FBXO6: variants seen among roughly 807,000 people sequenced by gnomAD.
FBXO6 encodes the protein F-box only protein 6.
FBXO6 carries 13 observed loss-of-function variants against 25.0 expected under a neutral mutation model. That is an observed-to-expected ratio of 0.52 (90% CI 0.34 to 0.83). The LOEUF (loss-of-function observed/expected upper bound fraction) is 0.83, where lower values mean the gene tolerates loss of function less well. FBXO6 is among the 40% of genes least tolerant of loss of function. The pLI is 0.02. For synonymous variants in FBXO6, 138 were observed against 155.3 expected, an observed-to-expected ratio of 0.89 and a Z score of 0.83; for missense variants, 370 against 380.2, an observed-to-expected ratio of 0.97 and a Z score of 0.22.
Position 11,668,742 on chromosome 1 carries a change from G to A in FBXO6, c.84G>A (p.Val28=), listed in dbSNP as rs1378340173. 1.9e-6 allele frequency: 3 copies of A among 1,613,920 alleles called. No individual in the cohort carries two copies. The highest frequency in any genetic ancestry group is 1.3e-5 in the African/African-American group (1 of 75,018). Residue 28 remains valine, a synonymous_variant, in exon 2 of 6, where the codon GTG becomes GTA. Coordinates refer to ENST00000376753, the MANE Select transcript of FBXO6 (RefSeq NM_018438.6). The part of the protein sequence containing the change: ...ENILLELFTH[V]PARQLLLNCR... ...TCCTGCTGGAGCTGTTCACGCACGT[G>A]CCCGCCCGCCAGCTGCTGCTGAACT...
chr1:11,668,386 A>G (rs1640503208), intron 1 of FBXO6, among the ~76,000 whole-genome samples: 1 of 146,780 alleles, frequency 6.8e-6, no homozygotes, highest in Non-Finnish European at 1.5e-5. Flanking sequence ...CAGCCTCAGA[A>G]ATGCTCTTTT....
At chr1:11,670,018 C>G (rs1315342433) in intron 2 of FBXO6, among the ~76,000 whole-genome samples, 2 of 148,396 alleles carry the variant, frequency 1.3e-5, no homozygotes, top group Non-Finnish European at 3.0e-5. Flanking sequence ...CGAGACCATC[C>G]TGGCCAACAA....
intron 1 of FBXO6, 106 bp from the exon 2 acceptor site, chr1:11,668,550 C>T: frequency 7.1e-7 from 1 of 1,409,152 alleles, no homozygotes; most frequent in Non-Finnish European, 9.6e-7. Context: ...GCATGTGCCA[C>T]CACACCTGGC....
rs1249734872 is a variant in FBXO6 at position 11,673,614 on chromosome 1, G to A, written c.646-1G>A. ...CACTTCCTCTCCCTTCCTCCCAACA[G>A]GTCTCCTACACCTTCTCAGACTACC... On this transcript the variant is annotated splice_acceptor_variant, in intron 5 of 5. Transcript: ENST00000376753. LOFTEE classifies it high-confidence loss of function. The surrounding 1 kb of genome is among the most constrained non-coding windows in gnomAD (Gnocchi z 4.3). 6.2e-7 allele frequency: 1 copy of A among 1,612,378 alleles called. No homozygotes were observed. Among genetic ancestry groups the A allele is most frequent in the East Asian group, 2.2e-5 (1 of 44,838 alleles).
rs1640710497 is a variant in FBXO6, at chr1:11,674,129, CCTGT to C, written c.*281_*284del. The C allele has an allele frequency of 5.6e-6, 2 of 360,312 alleles. No individual in the cohort carries two copies. The highest frequency in any genetic ancestry group is 1.1e-5 in the Non-Finnish European group (2 of 187,386). The allele number at this position is 360,312 out of a possible 1,614,324, so 22.3% of individuals were successfully genotyped here. A position where few individuals can be genotyped will look rare whatever the true frequency, so the allele number is the denominator to read the frequency against. ...ACCATCCTGGCCAACACGGTGAAAC[CCTGT>C]CTCTACTAAAAATACAAAAAATTAG... On this transcript the variant is annotated 3_prime_UTR_variant, in exon 6 of 6. Transcript: ENST00000376753. The surrounding 1 kb of genome is among the most constrained non-coding windows in gnomAD (Gnocchi z 6.1).
intron 2 of FBXO6, 87 bp downstream of exon 2, chr1:11,669,031 G>T: frequency 6.6e-7 from 1 of 1,507,618 alleles, no homozygotes; most frequent in South Asian, 1.3e-5. Flanking sequence ...ACACTACCTG[G>T]AATATTCTCT....
At position 11,673,445 on chromosome 1, in the gene FBXO6, C is replaced by A; in HGVS notation, c.645+33C>A. ...CTCACCCACTTGCTCTCTCTACCCA[C>A]TCCTCCCAGGGCCAGGATGGCAGGA... On this transcript the variant is annotated intron_variant, in intron 5 of 5. Transcript: ENST00000376753. The surrounding 1 kb of genome is among the most constrained non-coding windows in gnomAD (Gnocchi z 4.3). The A allele has an allele frequency of 6.2e-7, 1 of 1,608,570 alleles. No individual in the cohort carries two copies.
At position 11,672,043 on chromosome 1, in the gene FBXO6, TG is replaced by T; in HGVS notation, c.509+21del. 1 of 1,596,452 alleles carries T rather than the reference TG, an allele frequency of 6.3e-7. No homozygotes were observed. Among genetic ancestry groups the T allele is most frequent in the Non-Finnish European group, 8.6e-7 (1 of 1,163,954 alleles). On this transcript the variant is annotated intron_variant, in intron 4 of 5. Coordinates refer to ENST00000376753, the MANE Select transcript of FBXO6 (RefSeq NM_018438.6). The stretch of plus-strand genomic sequence containing the variant: ...GGACTGGTGAGTAGGGTCCATGGCC[TG>T]TGTCCCCACACTCTACATGCTCCTC...
At position 11,671,307 on chromosome 1, in the gene FBXO6, C is replaced by A; in HGVS notation, c.328C>A (p.Arg110Ser). ...GCAAATTGATTTCAATGGTGGGGACCGCTGGAAGGTGGAGAGCCTCCCTGG... is the reference window on the plus strand; with the variant it reads ...GCAAATTGATTTCAATGGTGGGGACAGCTGGAAGGTGGAGAGCCTCCCTGG... ...AWQIDFNGGDRWKVESLPGAH... is the reference protein window; with the variant it reads ...AWQIDFNGGDSWKVESLPGAH... Residue 110 changes from arginine to serine, a missense_variant, in exon 3 of 6, where the codon CGC becomes AGC. By Grantham distance (110) the Arg-to-Ser change is moderately radical. Transcript: ENST00000376753. 1 of 1,614,078 alleles carries A rather than the reference C, an allele frequency of 6.2e-7. No homozygotes were observed. Among genetic ancestry groups the A allele is most frequent in the Non-Finnish European group, 8.5e-7 (1 of 1,179,976 alleles).
chr1:11,665,417 G>A (rs376782414), intron 1 of FBXO6, among the ~76,000 whole-genome samples: 227 of 150,632 alleles, frequency 1.5e-3, no homozygotes, highest in African/African-American at 5.3e-3. Context: ...AACCAAGCCC[G>A]GCTAATTTTT....
Position 11,668,828 on chromosome 1 carries a change from A to C in FBXO6, c.170A>C (p.Lys57Thr). The C allele has an allele frequency of 6.2e-7, 1 of 1,614,148 alleles. No homozygotes were observed. Among genetic ancestry groups the C allele is most frequent in the Non-Finnish European group, 8.5e-7 (1 of 1,180,030 alleles). Residue 57 changes from lysine to threonine, a missense_variant, in exon 2 of 6, where the codon AAG becomes ACG. Lys to Thr is a moderately conservative substitution (Grantham distance 78). Transcript: ENST00000376753. ...LIDLMTLWKR[K>T]CLREGFITKD... is the part of the protein sequence containing the mutation. ...GACCTCATGACCCTCTGGAAACGCAAGTGCCTGCGAGAGGGCTTCATCACC... is the reference window on the plus strand; with the variant it reads ...GACCTCATGACCCTCTGGAAACGCACGTGCCTGCGAGAGGGCTTCATCACC...
At chr1:11,669,759 CACAA>C (rs1365390183) in intron 2 of FBXO6, among the ~76,000 whole-genome samples, 4 of 144,384 alleles carry the variant, frequency 2.8e-5, no homozygotes, top group African/African-American at 8.3e-5. Flanking sequence ...CACACACACA[CACAA>C]GTAGTTGGGA....
chr1:11,672,648 G>T (rs146715902), intron 4 of FBXO6, among the ~76,000 whole-genome samples: 3,279 of 152,188 alleles, frequency 0.022, 52 homozygotes, highest in Middle Eastern at 0.051. Flanking sequence ...GGACTGGGTG[G>T]GAACCCCCAG....
At chr1:11,669,740 A>G (rs1290365694) in intron 2 of FBXO6, among the ~76,000 whole-genome samples, 2 of 124,388 alleles carry the variant, frequency 1.6e-5, no homozygotes. Context: ...ATATACATAC[A>G]CACACACACA....
chr1:11,665,803 C>G (rs1354753058), intron 1 of FBXO6, among the ~76,000 whole-genome samples: 1 of 151,862 alleles, frequency 6.6e-6, no homozygotes, highest in Non-Finnish European at 1.5e-5. Flanking sequence ...TTGTGATCCG[C>G]CCGCCTCGGC....
chr1:11,672,103 G>C lies in FBXO6; in HGVS notation c.509+80G>C, dbSNP rs761801313. 5.1e-4 allele frequency: 661 copies of C among 1,290,564 alleles called. 1 individual carries two copies. Among genetic ancestry groups the C allele is most frequent in the Non-Finnish European group, 6.8e-4 (614 of 903,244 alleles). The allele number at this position is 1,290,564 out of a possible 1,614,324, so 79.9% of individuals were successfully genotyped here. A position where few individuals can be genotyped will look rare whatever the true frequency, so the allele number is the denominator to read the frequency against. On this transcript the variant is annotated intron_variant, in intron 4 of 5. Coordinates refer to ENST00000376753, the MANE Select transcript of FBXO6 (RefSeq NM_018438.6). ...CTGCATGTACGTGAGACAACCCATAGCAAGTGCCCACTCTGCACAGCAGTG... is the reference window on the plus strand; with the variant it reads ...CTGCATGTACGTGAGACAACCCATACCAAGTGCCCACTCTGCACAGCAGTG...
At position 11,671,149 on chromosome 1, in the gene FBXO6, C is replaced by G. The variant is rs1640605110; in HGVS notation, c.287-117C>G. On this transcript the variant is annotated intron_variant, in intron 2 of 5. Transcript: ENST00000376753. ...AGACCTGAGCATGAGCAAGTCCTGC[C>G]TCCCAAGAAGGTCACTAACGCCAAC... 4 of 1,318,344 alleles carry G rather than the reference C, an allele frequency of 3.0e-6. No homozygotes were observed. In the East Asian group the frequency reaches 9.5e-5, roughly 31 times the overall value. The allele number at this position is 1,318,344 out of a possible 1,614,324, so 81.7% of individuals were successfully genotyped here. A position where few individuals can be genotyped will look rare whatever the true frequency, so the allele number is the denominator to read the frequency against.
chr1:11,673,377 A>C lies in FBXO6; in HGVS notation c.610A>C (p.Thr204Pro). Residue 204 changes from threonine (T) to proline (P), a missense_variant, in exon 5 of 6, where the codon ACC becomes CCC. Thr to Pro is a conservative substitution (Grantham distance 38, BLOSUM62 -1). Transcript: ENST00000376753. This position sits in a 1 kb window ranked among gnomAD's most constrained non-coding sequence, Gnocchi z 4.3. ...VLASFEPPPVTIQQWNNATWT... is the reference protein window; with the variant it reads ...VLASFEPPPVPIQQWNNATWT... The stretch of plus-strand genomic sequence containing the variant: ...GGCCTCCTTCGAGCCCCCACCTGTG[A>C]CCATCCAACAGTGGAACAATGCCAC... 1.2e-6 allele frequency: 2 copies of C among 1,613,988 alleles called. No individual in the cohort carries two copies. Among genetic ancestry groups the C allele is most frequent in the Non-Finnish European group, 1.7e-6 (2 of 1,180,000 alleles).
chr1:11,665,316 C>T (rs1158352854), intron 1 of FBXO6, among the ~76,000 whole-genome samples: 2 of 148,376 alleles, frequency 1.3e-5, no homozygotes, highest in African/African-American at 5.0e-5. Context: ...GCTCCGCCTC[C>T]CGGGTTCAGG....
Sources: allele counts gnomAD v4.1 joint callset (sites outside exome capture counted in the v4.1 genomes callset), GRCh38; gene constraint gnomAD v4.1.1; non-coding constraint Gnocchi (gnomAD v3.1); transcripts MANE v1.5; gene names NCBI Gene and HGNC (gene_info 2026-07-23, HGNC 2026-07-21).